Variants in OR5H15 observed in about 807,000 individuals in gnomAD.
The protein encoded by OR5H15 is olfactory receptor family 5 subfamily H member 15, also known as olfactory receptor 5H15.
For synonymous variants in OR5H15, 153 were observed against 129.1 expected, an observed-to-expected ratio of 1.19 and a Z score of -1.26; for missense variants, 405 against 366.1, an observed-to-expected ratio of 1.11 and a Z score of -0.87.
rs74639193 is a variant in OR5H15, at chr3:98,168,953, T to C, written c.254T>C (p.Phe85Ser). 8.7e-4 allele frequency: 1,400 copies of C among 1,613,576 alleles called. 12 individuals are homozygous for C. The African/African-American group carries it at 0.015, about 17-fold the overall frequency. Residue 85 changes from phenylalanine (F) to serine (S), a missense_variant, in exon 2 of 2, where the codon TTC becomes TCC. Physicochemically the swap from Phe to Ser is radical, Grantham distance 155. Transcript: ENST00000641450. ...STVTPKMLNN[F>S]LAKSKMISLS... ...GTGACCCCAAAGATGCTGAATAACT[T>C]CTTAGCTAAGAGTAAGATGATATCT...
Position 98,169,151 on chromosome 3 carries a change from C to G in OR5H15, c.452C>G (p.Ala151Gly), listed in dbSNP as rs62269707. 4.1e-5 allele frequency: 66 copies of G among 1,613,386 alleles called. No individual in the cohort carries two copies. The highest frequency in any genetic ancestry group is 1.3e-4 in the East Asian group (6 of 44,830). Residue 151 changes from alanine to glycine, a missense_variant, in exon 2 of 2, where the codon GCT (alanine) becomes GGT (glycine). Transcript: ENST00000641450. ...CIRLLILSYI[A>G]GILHALIHEG... ...CGGCTATTAATCTTGTCATATATAGCTGGTATTCTTCATGCTTTAATCCAT... is the reference window on the plus strand; with the variant it reads ...CGGCTATTAATCTTGTCATATATAGGTGGTATTCTTCATGCTTTAATCCAT...
At chr3:98,167,869 T>C (rs1347490462) in intron 1 of OR5H15, among the ~76,000 whole-genome samples, 1 of 152,070 alleles carries the variant, frequency 6.6e-6, no homozygotes, top group African/African-American at 2.4e-5. Flanking sequence ...TCCTCTCTCC[T>C]TTACTGACCA....
At position 98,169,173 on chromosome 3, in the gene OR5H15, C is replaced by T. The variant is rs574969721; in HGVS notation, c.474C>T (p.Ile158=). Residue 158 remains isoleucine, a synonymous_variant, in exon 2 of 2, where the codon ATC becomes ATT. Coordinates refer to ENST00000641450, the MANE Select transcript of OR5H15 (RefSeq NM_001005515.2). ...SYIAGILHAL[I]HEGFLFRLTF... is the part of the protein sequence containing the mutation. ...TAGCTGGTATTCTTCATGCTTTAAT[C>T]CATGAAGGATTTTTATTCAGACTAA... 18 of 1,613,348 alleles carry T rather than the reference C, an allele frequency of 1.1e-5. No homozygotes were observed. The East Asian group carries it at 3.6e-4, about 32-fold the overall frequency.
intron 1 of OR5H15, among the ~76,000 whole-genome samples, 179 bp from the exon 2 acceptor site, chr3:98,168,503 C>G (rs982698192): frequency 6.6e-6 from 1 of 152,008 alleles, no homozygotes; most frequent in African/African-American, 2.4e-5. Flanking sequence ...CAGTTTCAAA[C>G]CAAAATATAT....
In OR5H15 at chr3:98,169,334, T is replaced by G. The variant is rs62266804; in HGVS notation, c.635T>G (p.Val212Gly). ...GGTTCAATTCAGGTATTCAGCATTGTGACTATTCTTATATCTTACACATTT... is the reference window on the plus strand; with the variant it reads ...GGTTCAATTCAGGTATTCAGCATTGGGACTATTCTTATATCTTACACATTT... ...FSGSIQVFSI[V>G]TILISYTFVL... The change falls in exon 2 of 2, where the codon GTG becomes GGG. Residue 212 changes from valine (V) to glycine (G), a missense_variant. Coordinates refer to ENST00000641450, the MANE Select transcript of OR5H15 (RefSeq NM_001005515.2). The G allele has an allele frequency of 6.2e-7, 1 of 1,612,920 alleles. No homozygotes were observed. The highest frequency in any genetic ancestry group is 8.5e-7 in the Non-Finnish European group (1 of 1,179,246).
chr3:98,166,803 G>T lies in OR5H15; in HGVS notation c.-47G>T, dbSNP rs1708723835. On this transcript the variant is annotated 5_prime_UTR_variant, in exon 1 of 2. The change creates a new upstream start codon in the 5' untranslated region. Transcript: ENST00000641450. ...TTTTAGAAGGCGTAACACATTTAAA[G>T]GATATCCACAATTTCCTTCAAAATA... is the stretch of plus-strand genomic sequence containing the variant. The T allele has an allele frequency of 6.6e-6, 1 of 152,030 alleles. No homozygotes were observed. 9.4% of individuals were successfully genotyped at this position (152,030 alleles called of 1,614,324 possible).
chr3:98,169,112 A>C lies in OR5H15; in HGVS notation c.413A>C (p.Asn138Thr), dbSNP rs151129166. Residue 138 changes from asparagine to threonine, a missense_variant, in exon 2 of 2, where the codon AAT (asparagine) becomes ACT (threonine). Physicochemically the swap from Asn to Thr is moderately conservative, Grantham distance 65. Coordinates refer to ENST00000641450, the MANE Select transcript of OR5H15 (RefSeq NM_001005515.2). ...KPLLYPAIMT[N>T]GLCIRLLILS... is the part of the protein sequence containing the mutation. The stretch of plus-strand genomic sequence containing the variant: ...TTACTTTATCCAGCCATTATGACCA[A>C]TGGACTGTGCATCCGGCTATTAATC... 7.2e-4 allele frequency: 1,168 copies of C among 1,613,564 alleles called. 9 individuals carry two copies. The African/African-American group carries it at 0.014, about 19-fold the overall frequency.
rs770876725 is a variant in OR5H15 at position 98,169,469 on chromosome 3, T to C, written c.770T>C (p.Leu257Ser). 1 of 1,613,034 alleles carries C rather than the reference T, an allele frequency of 6.2e-7. No homozygotes were observed. The highest frequency in any genetic ancestry group is 8.5e-7 in the Non-Finnish European group (1 of 1,179,702). ...TGTTTATACTATGGCCCCCTTCTCT[T>C]AATGTATGTGGGCCCTGCATCTCCG... ...SVCLYYGPLL[L>S]MYVGPASPQA... The change falls in exon 2 of 2, where the codon TTA becomes TCA. Residue 257 changes from leucine (L) to serine (S), a missense_variant. By Grantham distance (145) the Leu-to-Ser change is moderately radical. Coordinates refer to ENST00000641450, the MANE Select transcript of OR5H15 (RefSeq NM_001005515.2).
At position 98,169,758 on chromosome 3, in the gene OR5H15, A is replaced by G; in HGVS notation, c.*117A>G. On this transcript the variant is annotated 3_prime_UTR_variant, in exon 2 of 2. Transcript: ENST00000641450. ...AACTGTCCTAGCACTTTAATGACCT[A>G]ACATTTTAGTACCTAATAAACTAAT... is the stretch of plus-strand genomic sequence containing the variant. The G allele has an allele frequency of 1.4e-6, 1 of 737,668 alleles. No individual in the cohort carries two copies. Among genetic ancestry groups the G allele is most frequent in the Non-Finnish European group, 2.4e-6 (1 of 420,744 alleles). 45.7% of individuals were successfully genotyped at this position (737,668 alleles called of 1,614,324 possible).
chr3:98,168,073 C>G (rs1414061301), intron 1 of OR5H15, among the ~76,000 whole-genome samples: 2 of 152,018 alleles, frequency 1.3e-5, no homozygotes, highest in Admixed American at 1.3e-4. Flanking sequence ...ATAATTTCTA[C>G]ATTGAAAGCT....
rs1168583023 is a variant in OR5H15, at chr3:98,169,086, T to C, written c.387T>C (p.Pro129=). Residue 129 remains proline, a synonymous_variant, in exon 2 of 2, where the codon CCT becomes CCC. Transcript: ENST00000641450. Reference sequence around the variant, plus strand: ...ATCGCTATGTAGCCATATGCAAACCTTTACTTTATCCAGCCATTATGACCA... The same window carrying C: ...ATCGCTATGTAGCCATATGCAAACCCTTACTTTATCCAGCCATTATGACCA... ...AYDRYVAICK[P]LLYPAIMTNG... is the part of the protein sequence containing the mutation. 5.0e-6 allele frequency: 8 copies of C among 1,613,474 alleles called. No homozygotes were observed. Among genetic ancestry groups the C allele is most frequent in the Admixed American group, 1.7e-5 (1 of 59,950 alleles).
rs972593289 is a variant in OR5H15 at position 98,169,461 on chromosome 3, C to T, written c.762C>T (p.Pro254=). ...TCTCTGTCTGTTTATACTATGGCCCCCTTCTCTTAATGTATGTGGGCCCTG... is the reference window on the plus strand; with the variant it reads ...TCTCTGTCTGTTTATACTATGGCCCTCTTCTCTTAATGTATGTGGGCCCTG... ...HLFSVCLYYG[P]LLLMYVGPAS... Residue 254 remains proline, a synonymous_variant, in exon 2 of 2, where the codon CCC becomes CCT. Transcript: ENST00000641450. 1.9e-6 allele frequency: 3 copies of T among 1,613,170 alleles called. No individual in the cohort carries two copies. Among genetic ancestry groups the T allele is most frequent in the Non-Finnish European group, 1.7e-6 (2 of 1,179,734 alleles).
chr3:98,168,542 C>T, intron 1 of OR5H15, 140 bp from the exon 2 acceptor site: 2 of 901,718 alleles, frequency 2.2e-6, no homozygotes, highest in Non-Finnish European at 3.3e-6. Flanking sequence ...GCATCAAATA[C>T]ACAATTCATC....
At position 98,169,221 on chromosome 3, in the gene OR5H15, A is replaced by G; in HGVS notation, c.522A>G (p.Val174=). The G allele has an allele frequency of 6.2e-7, 1 of 1,611,952 alleles. No individual in the cohort carries two copies. The highest frequency in any genetic ancestry group is 2.2e-5 in the East Asian group (1 of 44,740). ...TAACCTTCTGTAACTCCAACATAGTACATCACATTTACTGTGACACTATCC... is the reference window on the plus strand; with the variant it reads ...TAACCTTCTGTAACTCCAACATAGTGCATCACATTTACTGTGACACTATCC... ...FRLTFCNSNI[V]HHIYCDTIPL... Residue 174 remains valine, a synonymous_variant, in exon 2 of 2, where the codon GTA becomes GTG. Transcript: ENST00000641450.
At position 98,168,914 on chromosome 3, in the gene OR5H15, G is replaced by A; in HGVS notation, c.215G>A (p.Trp72Ter). The change falls in exon 2 of 2, where the codon TGG becomes TAG. Residue 72 changes from tryptophan (W) to a stop codon, truncating the protein, a stop_gained. Coordinates refer to ENST00000641450, the MANE Select transcript of OR5H15 (RefSeq NM_001005515.2). LOFTEE classifies it low-confidence loss of function (END_TRUNC). ...GGGAATTTAGCTTTTGTGGATGCTT[G>A]GATATCATCCACAGTGACCCCAAAG... ...LLGNLAFVDAWISSTVTPKML... is the reference protein window; with the variant it reads ...LLGNLAFVDA The A allele has an allele frequency of 6.2e-7, 1 of 1,612,788 alleles. No homozygotes were observed. The highest frequency in any genetic ancestry group is 8.5e-7 in the Non-Finnish European group (1 of 1,179,024).
rs1708722087 is a variant in OR5H15 at position 98,166,699 on chromosome 3, G to C, written c.-151G>C. On this transcript the variant is annotated 5_prime_UTR_variant, in exon 1 of 2. An upstream start codon of the reference 5' UTR is lost. Transcript: ENST00000641450. Reference sequence around the variant, plus strand: ...CAACATTTTTCTATGCTTGGAAAATGAAACCTTCAAAAAGCATGAGTACGT... The same window carrying C: ...CAACATTTTTCTATGCTTGGAAAATCAAACCTTCAAAAAGCATGAGTACGT... 1 of 152,214 alleles carries C rather than the reference G, an allele frequency of 6.6e-6. No homozygotes were observed. Among genetic ancestry groups the C allele is most frequent in the South Asian group, 2.1e-4 (1 of 4,828 alleles). 9.4% of individuals were successfully genotyped at this position (152,214 alleles called of 1,614,324 possible). A position where few individuals can be genotyped will look rare whatever the true frequency, so the allele number is the denominator to read the frequency against.
Position 98,169,314 on chromosome 3 carries a change from A to T in OR5H15, c.615A>T (p.Ser205=). 1 of 1,612,100 alleles carries T rather than the reference A, an allele frequency of 6.2e-7. No individual in the cohort carries two copies. Among genetic ancestry groups the T allele is most frequent in the Non-Finnish European group, 8.5e-7 (1 of 1,178,786 alleles). The change falls in exon 2 of 2, where the codon TCA becomes TCT. Residue 205 remains serine (S), a synonymous_variant. Coordinates refer to ENST00000641450, the MANE Select transcript of OR5H15 (RefSeq NM_001005515.2). ...NFLMVFIFSG[S]IQVFSIVTIL... ...TAATGGTTTTTATTTTCTCAGGTTC[A>T]ATTCAGGTATTCAGCATTGTGACTA...
rs760449535 is a variant in OR5H15, at chr3:98,169,430, A to G, written c.731A>G (p.His244Arg). ...AAAGCCTTTTCCACCTGTGGAGCCC[A>G]TCTCTTCTCTGTCTGTTTATACTAT... ...VRKAFSTCGA[H>R]LFSVCLYYGP... Residue 244 changes from histidine to arginine, a missense_variant, in exon 2 of 2, where the codon CAT (histidine) becomes CGT (arginine). Coordinates refer to ENST00000641450, the MANE Select transcript of OR5H15 (RefSeq NM_001005515.2). The G allele has an allele frequency of 6.2e-7, 1 of 1,613,640 alleles. No homozygotes were observed. The highest frequency in any genetic ancestry group is 1.1e-5 in the South Asian group (1 of 91,070).
At position 98,169,308 on chromosome 3, in the gene OR5H15, A is replaced by G. The variant is rs771206656; in HGVS notation, c.609A>G (p.Ser203=). The change falls in exon 2 of 2, where the codon TCA becomes TCG. Residue 203 remains serine (S), a synonymous_variant. Coordinates refer to ENST00000641450, the MANE Select transcript of OR5H15 (RefSeq NM_001005515.2). Reference sequence around the variant, plus strand: ...ATTTTCTAATGGTTTTTATTTTCTCAGGTTCAATTCAGGTATTCAGCATTG... The same window carrying G: ...ATTTTCTAATGGTTTTTATTTTCTCGGGTTCAATTCAGGTATTCAGCATTG... ...SINFLMVFIF[S]GSIQVFSIVT... is the part of the protein sequence containing the mutation. 1.2e-5 allele frequency: 19 copies of G among 1,611,588 alleles called. No individual in the cohort carries two copies. Among genetic ancestry groups the G allele is most frequent in the Non-Finnish European group, 1.5e-5 (18 of 1,178,516 alleles).
Sources: gnomAD v4.1 joint callset for allele counts (sites outside exome capture counted in the v4.1 genomes callset) on GRCh38, gnomAD v4.1.1 for gene constraint, MANE v1.5 for transcripts, NCBI Gene and HGNC (gene_info 2026-07-23, HGNC 2026-07-21) for gene names.